The following NKAIN3 variants were observed in gnomAD, a reference collection of about 807,000 sequenced individuals.
The protein encoded by NKAIN3 is sodium/potassium transporting ATPase interacting 3.
A neutral mutation model predicts 30.2 loss-of-function variants in NKAIN3; 25 were observed. The ratio of observed to expected loss-of-function variants is 0.83; its 90% CI spans 0.60 to 1.16. The LOEUF (loss-of-function observed/expected upper bound fraction) is 1.16. Ranked by LOEUF, NKAIN3 falls within the 50% of genes most tolerant of loss-of-function variation. NKAIN3 has a pLI of 0.00. For synonymous variants in NKAIN3, 91 were observed against 89.6 expected, an observed-to-expected ratio of 1.02 and a Z score of -0.09; for missense variants, 225 against 254.1, an observed-to-expected ratio of 0.89 and a Z score of 0.78.
intron 1 of NKAIN3, among the ~76,000 whole-genome samples, chr8:62,317,995 C>T (rs1814708529): frequency 6.6e-6 from 1 of 152,160 alleles, no homozygotes. Flanking sequence ...TCCTTCACGT[C>T]TCTTGTAAGT....
chr8:62,365,403 A>C (rs887517225), intron 1 of NKAIN3, among the ~76,000 whole-genome samples: 7 of 152,166 alleles, frequency 4.6e-5, no homozygotes, highest in Non-Finnish European at 1.0e-4. Context: ...ATATTAGTAC[A>C]TAAAATTTAA....
chr8:62,263,077 T>C (rs1812493121), intron 1 of NKAIN3, among the ~76,000 whole-genome samples: 1 of 152,218 alleles, frequency 6.6e-6, no homozygotes, highest in Admixed American at 6.5e-5. Flanking sequence ...TCTTGATTTT[T>C]GTCCCACTAT....
Position 62,307,267 on chromosome 8 carries a change from CAAAAAA to C in NKAIN3, c.54+58153_54+58158del, listed in dbSNP as rs10598782. ...TATAGTTTAATTCATTCTCTTCTAG[CAAAAAA>C]AAAAAAAAAAAATTCTGAAAGTCAA... On this transcript the variant is annotated intron_variant, in intron 1 of 6. Coordinates refer to ENST00000623646, the MANE Select transcript of NKAIN3 (RefSeq NM_001304533.3). Among the ~76,000 whole-genome samples, 59 of 107,970 alleles carry C rather than the reference CAAAAAA, an allele frequency of 5.5e-4. 1 individual carries two copies. The highest frequency in any genetic ancestry group is 7.6e-4 in the African/African-American group (22 of 29,012). 70.8% of individuals were successfully genotyped at this position (107,970 alleles called of 152,430 possible).
chr8:62,320,724 C>T (rs1247273651), intron 1 of NKAIN3, among the ~76,000 whole-genome samples: 1 of 152,176 alleles, frequency 6.6e-6, no homozygotes, highest in African/African-American at 2.4e-5. Context: ...ATGGGCTTCC[C>T]TTTGTGGGTA....
At chr8:62,426,697 TAAAA>T (rs1011058158) in intron 1 of NKAIN3, among the ~76,000 whole-genome samples, 1 of 151,748 alleles carries the variant, frequency 6.6e-6, no homozygotes, top group East Asian at 1.9e-4. Flanking sequence ...AGAGTTTTAG[TAAAA>T]AAAAGGCTGA....
At chr8:62,859,651 G>A (rs993412457) in intron 4 of NKAIN3, among the ~76,000 whole-genome samples, 2 of 151,776 alleles carry the variant, frequency 1.3e-5, no homozygotes, top group African/African-American at 4.8e-5. Flanking sequence ...TTGCTTCAAA[G>A]ATAATGAGCT....
intron 1 of NKAIN3, among the ~76,000 whole-genome samples, chr8:62,544,093 C>T (rs549443417): frequency 3.6e-4 from 55 of 152,198 alleles, no homozygotes; most frequent in African/African-American, 9.6e-4. Context: ...CCTCTGCCTC[C>T]GGGGCTCAAG....
chr8:62,803,176 C>T (rs540869069), intron 4 of NKAIN3, among the ~76,000 whole-genome samples: 2 of 152,134 alleles, frequency 1.3e-5, no homozygotes, highest in East Asian at 1.9e-4. Context: ...GAGACTTTAA[C>T]ACCCCACTGT....
At position 62,582,516 on chromosome 8, in the gene NKAIN3, G is replaced by A. The variant is rs550067580; in HGVS notation, c.192+2840G>A. Among the ~76,000 whole-genome samples, 25 of 152,244 alleles carry A rather than the reference G, an allele frequency of 1.6e-4. No individual in the cohort carries two copies. The South Asian group carries it at 5.2e-3, about 32-fold the overall frequency. On this transcript the variant is annotated intron_variant, in intron 2 of 6. Transcript: ENST00000623646. ...GGTTAGGCACCCTGCAGGGAGCTGAGAGCTGAGGTCTGCTCTCAGTATGAG... is the reference window on the plus strand; with the variant it reads ...GGTTAGGCACCCTGCAGGGAGCTGAAAGCTGAGGTCTGCTCTCAGTATGAG...
At position 62,494,949 on chromosome 8, in the gene NKAIN3, C is replaced by CA. The variant is rs200465817; in HGVS notation, c.55-84583dup. ...ACCCTATCAATCTTATTAGCTTTTT[C>CA]AAAAAAATGACTCCTGGATTTGCTG... is the stretch of plus-strand genomic sequence containing the variant. On this transcript the variant is annotated intron_variant, in intron 1 of 6. Transcript: ENST00000623646. 3.3e-5 allele frequency among the ~76,000 whole-genome samples: 5 copies of CA among 151,872 alleles called. No individual in the cohort carries two copies. In the East Asian group the frequency reaches 9.7e-4, roughly 29 times the overall value.
At chr8:62,756,456 G>T (rs1816455814) in intron 4 of NKAIN3, among the ~76,000 whole-genome samples, 1 of 151,924 alleles carries the variant, frequency 6.6e-6, no homozygotes, top group African/African-American at 2.4e-5. Flanking sequence ...TAATATCTCT[G>T]CCTGTTACAG....
At chr8:62,986,151 A>G (rs150786715), downstream of NKAIN3, among the ~76,000 whole-genome samples, 74 of 152,246 alleles carry the variant, frequency 4.9e-4, no homozygotes, top group East Asian at 0.011. Flanking sequence ...GAATGACCCT[A>G]TGGTTTAAGA....
intron 1 of NKAIN3, among the ~76,000 whole-genome samples, chr8:62,348,693 C>T (rs2129591603): frequency 6.6e-6 from 1 of 152,186 alleles, no homozygotes; most frequent in East Asian, 1.9e-4. Flanking sequence ...AAGATGAACC[C>T]TAATAAACAA....
intron 4 of NKAIN3, among the ~76,000 whole-genome samples, chr8:62,802,824 T>C (rs1428887346): frequency 2.0e-5 from 3 of 152,166 alleles, no homozygotes; most frequent in African/African-American, 7.2e-5. Context: ...ACTGGCAAAC[T>C]GGATAAAGAG....
rs144935436 is a variant in NKAIN3, at chr8:62,303,968, T to C, written c.54+54841T>C. 1.6e-3 allele frequency among the ~76,000 whole-genome samples: 236 copies of C among 150,814 alleles called. 20 individuals are homozygous for C. Among genetic ancestry groups the C allele is most frequent in the African/African-American group, 5.6e-3 (225 of 40,198 alleles). ...ATTTTGAAAAACACGATTAGTACTG[T>C]CTTTTAAAGAAGTTGCCAGGAGCAG... On this transcript the variant is annotated intron_variant, in intron 1 of 6. Coordinates refer to ENST00000623646, the MANE Select transcript of NKAIN3 (RefSeq NM_001304533.3).
intron 1 of NKAIN3, among the ~76,000 whole-genome samples, chr8:62,368,701 T>C (rs972427209): frequency 6.6e-6 from 1 of 152,192 alleles, no homozygotes; most frequent in Non-Finnish European, 1.5e-5. Context: ...GACATCTGCC[T>C]ATCATCTGTT....
intron 6 of NKAIN3, among the ~76,000 whole-genome samples, chr8:62,962,576 C>T (rs996270073): frequency 2.6e-4 from 40 of 152,174 alleles, no homozygotes; most frequent in African/African-American, 9.4e-4. Context: ...GTCTGTGCCA[C>T]TGTGGGATAT....
chr8:62,977,181 G>T lies in NKAIN3; in HGVS notation c.*11774G>T, dbSNP rs1458894119. Among the ~76,000 whole-genome samples, 2 of 152,152 alleles carry T rather than the reference G, an allele frequency of 1.3e-5. No individual in the cohort carries two copies. The highest frequency in any genetic ancestry group is 2.9e-5 in the Non-Finnish European group (2 of 68,028). On this transcript the variant is annotated 3_prime_UTR_variant, in exon 7 of 7. Coordinates refer to ENST00000623646, the MANE Select transcript of NKAIN3 (RefSeq NM_001304533.3). ...GTGTCTTGGGGTTGCTCTTCTCAAAGAGTATCTTTGTGGTGTTCTCTGTAT... is the reference window on the plus strand; with the variant it reads ...GTGTCTTGGGGTTGCTCTTCTCAAATAGTATCTTTGTGGTGTTCTCTGTAT...
intron 1 of NKAIN3, among the ~76,000 whole-genome samples, chr8:62,277,056 G>A (rs982165058): frequency 2.7e-4 from 41 of 151,798 alleles, no homozygotes; most frequent in Admixed American, 2.0e-3. Context: ...TTGATCACTG[G>A]GTTTCAAATT....
Sources: gnomAD v4.1 joint callset for allele counts (sites outside exome capture counted in the v4.1 genomes callset) on GRCh38, gnomAD v4.1.1 for gene constraint, MANE v1.5 for transcripts, NCBI Gene and HGNC (gene_info 2026-07-23, HGNC 2026-07-21) for gene names.